The following MYO10 variants were observed in gnomAD, a reference collection of about 807,000 sequenced individuals.
MYO10 encodes the protein myosin X, also known as unconventional myosin-X.
A neutral mutation model predicts 257.3 loss-of-function variants in MYO10; 133 were observed. The ratio of observed to expected loss-of-function variants is 0.52; its 90% confidence interval spans 0.45 to 0.60. MYO10 has a LOEUF of 0.60. Ranked by LOEUF, MYO10 falls within the 20% of genes least tolerant of loss-of-function variation. The pLI is 0.00. For missense variants in MYO10, 2,399 were observed against 2,635.7 expected, an observed-to-expected ratio of 0.91 and a Z score of 1.97; for synonymous variants, 1,104 against 1,028.6, an observed-to-expected ratio of 1.07 and a Z score of -1.40.
intron 18 of MYO10, among the ~76,000 whole-genome samples, chr5:16,756,380 G>C (rs1410573449): frequency 2.0e-5 from 3 of 152,032 alleles, no homozygotes; most frequent in Non-Finnish European, 4.4e-5. Context: ...AATTTTAAAG[G>C]GTTTGTTCTT....
chr5:16,887,781 A>G (rs1277249786), intron 1 of MYO10, among the ~76,000 whole-genome samples: 1 of 152,092 alleles, frequency 6.6e-6, no homozygotes, highest in Non-Finnish European at 1.5e-5. Context: ...GTGAGCCACC[A>G]TGTCTGGCCT....
chr5:16,910,688 G>A (rs959288768), intron 1 of MYO10, among the ~76,000 whole-genome samples: 4 of 152,140 alleles, frequency 2.6e-5, no homozygotes, highest in Admixed American at 6.6e-5. Context: ...GCGACCCTGC[G>A]GGATGGGTAC....
rs907646916 is a variant in MYO10 at position 16,738,366 on chromosome 5, C to T, written c.1929+16462G>A. 5.1e-6 allele frequency: 5 copies of T among 985,270 alleles called. No homozygotes were observed. In the African/African-American group the frequency reaches 8.7e-5, roughly 17 times the overall value. 61.0% of individuals were successfully genotyped at this position (985,270 alleles called of 1,614,324 possible). A position where few individuals can be genotyped will look rare whatever the true frequency, so the allele number is the denominator to read the frequency against. ...GAAACTGTGCTGGCTGGGAAGCTTC[C>T]TGCAGAAGGGTAGCAAGTGCAGCCT... On this transcript the variant is annotated intron_variant, in intron 19 of 40. Coordinates refer to ENST00000513610, the MANE Select transcript of MYO10 (RefSeq NM_012334.3).
Position 16,935,886 on chromosome 5 carries a change from CAT to C in MYO10, c.-80_-79del. 6.4e-7 allele frequency: 1 copy of C among 1,569,012 alleles called. No individual in the cohort carries two copies. Among genetic ancestry groups the C allele is most frequent in the Non-Finnish European group, 8.7e-7 (1 of 1,153,488 alleles). ...AGCGCCGCCGCGGGTCCGGGGAAAC[CAT>C]GCGTGTCACGGCGCCACTCCCGAGG... On this transcript the variant is annotated 5_prime_UTR_variant, in exon 1 of 41. An upstream start codon of the reference 5' UTR is lost. Coordinates refer to ENST00000513610, the MANE Select transcript of MYO10 (RefSeq NM_012334.3).
chr5:16,911,382 C>A (rs1745651814), intron 1 of MYO10, among the ~76,000 whole-genome samples: 1 of 152,194 alleles, frequency 6.6e-6, no homozygotes, highest in Admixed American at 6.5e-5. Flanking sequence ...GTCCAACCTG[C>A]AGCCAAGGAC....
rs183437716 is a variant in MYO10 at position 16,703,987 on chromosome 5, C to T, written c.2276+592G>A. ...AACACCAAGGTGAACAGCCAGGCCGCTGTGGCTTCAAGACCTGACGCAGAG... is the reference window on the plus strand; with the variant it reads ...AACACCAAGGTGAACAGCCAGGCCGTTGTGGCTTCAAGACCTGACGCAGAG... On this transcript the variant is annotated intron_variant, in intron 22 of 40. Coordinates refer to ENST00000513610, the MANE Select transcript of MYO10 (RefSeq NM_012334.3). Among the ~76,000 whole-genome samples, 310 of 151,414 alleles carry T rather than the reference C, an allele frequency of 2.0e-3. 1 individual carries two copies. The highest frequency in any genetic ancestry group is 7.1e-3 in the African/African-American group (293 of 41,320).
intron 33 of MYO10, among the ~76,000 whole-genome samples, chr5:16,677,473 T>C (rs576785378): frequency 1.0e-3 from 146 of 142,416 alleles, no homozygotes; most frequent in Admixed American, 3.4e-3. Context: ...CGGAGTGCAG[T>C]GGCGCTATCT....
At chr5:16,759,428 T>C (rs938489950) in intron 17 of MYO10, among the ~76,000 whole-genome samples, 3 of 152,208 alleles carry the variant, frequency 2.0e-5, no homozygotes, top group African/African-American at 4.8e-5. Context: ...TGCTCTTTAA[T>C]GCTCACTCTC....
chr5:16,702,592 A>G lies in MYO10; in HGVS notation c.2511-4T>C. 2 of 1,575,324 alleles carry G rather than the reference A, an allele frequency of 1.3e-6. No homozygotes were observed. Among genetic ancestry groups the G allele is most frequent in the Non-Finnish European group, 1.7e-6 (2 of 1,159,604 alleles). ...TCTTCGCTCTCTCTCTCTTTCTCTA[A>G]AAATAGTAAAGGAAAAGTGAAAATC... On this transcript the variant is annotated splice_region_variant and splice_polypyrimidine_tract_variant and intron_variant, in intron 23 of 40. Coordinates refer to ENST00000513610, the MANE Select transcript of MYO10 (RefSeq NM_012334.3).
Position 16,718,128 on chromosome 5 carries a change from A to C in MYO10, c.1930-6883T>G, listed in dbSNP as rs550027026. Among the ~76,000 whole-genome samples the C allele has an allele frequency of 8.0e-3, 1,214 of 152,308 alleles. 11 individuals carry two copies. The highest frequency in any genetic ancestry group is 9.3e-3 in the Non-Finnish European group (635 of 68,016). ...GCTGCGGAGGGTGTACTGGGTCCCC[A>C]GGCAGTGCCAGCCCACCGGCGCTGT... On this transcript the variant is annotated intron_variant, in intron 19 of 40. Transcript: ENST00000513610.
chr5:16,768,477 T>A (rs1408664667), intron 10 of MYO10, among the ~76,000 whole-genome samples: 1 of 152,032 alleles, frequency 6.6e-6, no homozygotes, highest in African/African-American at 2.4e-5. Flanking sequence ...CCTATGTCGA[T>A]TCCTGGTTGC....
chr5:16,811,198 GGC>G (rs1218880531), intron 3 of MYO10, among the ~76,000 whole-genome samples: 2 of 152,044 alleles, frequency 1.3e-5, no homozygotes, highest in African/African-American at 4.8e-5. Context: ...TGACATCTTA[GGC>G]CAGATGACTC....
intron 3 of MYO10, among the ~76,000 whole-genome samples, chr5:16,805,938 T>C (rs1033487443): frequency 1.3e-5 from 2 of 152,184 alleles, no homozygotes; most frequent in Admixed American, 6.5e-5. Flanking sequence ...GTATAACACC[T>C]AGTGTCAAAT....
At chr5:16,783,607 A>G in intron 4 of MYO10, 138 bp from the exon 5 acceptor site, 1 of 949,586 alleles carries the variant, frequency 1.1e-6, no homozygotes, top group South Asian at 1.6e-5. Flanking sequence ...GCCTGTTTCC[A>G]AAGAGCTGAG....
intron 10 of MYO10, among the ~76,000 whole-genome samples, chr5:16,768,578 T>C (rs761241621): frequency 1.1e-4 from 16 of 151,874 alleles, no homozygotes; most frequent in African/African-American, 3.1e-4. Context: ...TCATATACTC[T>C]GAGCCTTTCC....
At chr5:16,826,594 G>A (rs140143091) in intron 2 of MYO10, among the ~76,000 whole-genome samples, 4 of 152,288 alleles carry the variant, frequency 2.6e-5, no homozygotes, top group East Asian at 1.9e-4. Context: ...AGGAAGGAGC[G>A]GGCAAAGGGA....
At chr5:16,902,358 C>T (rs970252044) in intron 1 of MYO10, 5 of 1,200,024 alleles carry the variant, frequency 4.2e-6, no homozygotes, top group East Asian at 2.3e-5. Context: ...TGGGGGTGTT[C>T]GGTCCTTGCG....
chr5:16,900,350 G>A (rs981741889), intron 1 of MYO10, among the ~76,000 whole-genome samples: 1 of 152,132 alleles, frequency 6.6e-6, no homozygotes, highest in African/African-American at 2.4e-5. Context: ...GAGGAGTTTT[G>A]CAGATGTAGA....
chr5:16,923,112 T>G (rs1243064213), intron 1 of MYO10, among the ~76,000 whole-genome samples: 1 of 152,086 alleles, frequency 6.6e-6, no homozygotes. Flanking sequence ...GTTGTCCAGT[T>G]TCAACGAGAG....
Sources: gnomAD v4.1 joint callset for allele counts (sites outside exome capture counted in the v4.1 genomes callset) on GRCh38, gnomAD v4.1.1 for gene constraint, MANE v1.5 for transcripts, NCBI Gene and HGNC (gene_info 2026-07-23, HGNC 2026-07-21) for gene names.